TIAM2: variants seen among roughly 807,000 people sequenced by gnomAD.
TIAM2 encodes TIAM Rac1 associated GEF 2, also known as rho guanine nucleotide exchange factor TIAM2.
A neutral mutation model predicts 152.9 loss-of-function variants in TIAM2; 80 were observed. The observed-to-expected ratio is 0.52, with a 90% CI of 0.44 to 0.63. The LOEUF is 0.63. TIAM2 is among the 30% of genes least tolerant of loss of function. The probability of loss-of-function intolerance (pLI) is 0.00; values close to 1 mark genes in which losing one functional copy is unlikely to be tolerated. For missense variants in TIAM2, 1,965 were observed against 2,120.1 expected, an observed-to-expected ratio of 0.93 and a Z score of 1.44; for synonymous variants, 804 against 838.0, an observed-to-expected ratio of 0.96 and a Z score of 0.70.
At chr6:155,169,013 T>G (rs575479131) in intron 9 of TIAM2, 186 of 1,210,758 alleles carry the variant, frequency 1.5e-4, no homozygotes, top group Middle Eastern at 2.4e-4. Flanking sequence ...TTTTTGTTTT[T>G]GAGACGGAGT....
At chr6:155,185,767 GTGTCCTGGCAAGAC>G (rs1781028145) in intron 14 of TIAM2, among the ~76,000 whole-genome samples, 1 of 151,982 alleles carries the variant, frequency 6.6e-6, no homozygotes, top group Non-Finnish European at 1.5e-5. Flanking sequence ...CCCTTTCCTG[GTGTCCTGGCAAGAC>G]TGTGCTCTGT....
In TIAM2 at chr6:155,144,757, T is replaced by C. The variant is rs534826236; in HGVS notation, c.1782T>C (p.Phe594=). The C allele has an allele frequency of 1.2e-6, 2 of 1,610,580 alleles. No individual in the cohort carries two copies. The highest frequency in any genetic ancestry group is 2.7e-5 in the African/African-American group (2 of 74,872). Residue 594 remains phenylalanine (F), a synonymous_variant, in exon 6 of 27, where the codon TTT becomes TTC. Coordinates refer to ENST00000682666, the MANE Select transcript of TIAM2 (RefSeq NM_012454.4). ...KENVFCLSNS[F]GDVYLFQATS... ...ATGTGTTCTGCCTCAGCAACTCCTT[T>C]GGAGATGTCTACCTTTTCCAGGTAC... is the stretch of plus-strand genomic sequence containing the variant.
intron 26 of TIAM2, chr6:155,254,808 G>A (rs9397794): frequency 0.29 from 142,080 of 485,252 alleles, 24,419 homozygotes; most frequent in East Asian, 0.65. Context: ...CCAAATGTAC[G>A]ATTTTGTTTC....
chr6:155,175,788 T>A (rs17086024), intron 9 of TIAM2, among the ~76,000 whole-genome samples: 3,644 of 152,326 alleles, frequency 0.024, 139 homozygotes, highest in African/African-American at 0.081. Context: ...CGTATTAGCA[T>A]GAAGTCAGCA....
chr6:155,141,450 G>A (rs1437361951), intron 5 of TIAM2, among the ~76,000 whole-genome samples: 6 of 152,004 alleles, frequency 3.9e-5, no homozygotes, highest in African/African-American at 1.4e-4. Context: ...TATCCTTAAA[G>A]TATCCATGTA....
intron 14 of TIAM2, among the ~76,000 whole-genome samples, chr6:155,196,019 G>A (rs751544043): frequency 6.6e-6 from 1 of 152,224 alleles, no homozygotes; most frequent in Non-Finnish European, 1.5e-5. Context: ...CAGGGAAGTA[G>A]TGACATGATC....
chr6:155,225,403 C>CAGAT (rs1782208155), intron 15 of TIAM2, among the ~76,000 whole-genome samples: 1 of 152,210 alleles, frequency 6.6e-6, no homozygotes, highest in African/African-American at 2.4e-5. Flanking sequence ...GGGGCTTATA[C>CAGAT]AGATGAGTTA....
At chr6:155,104,049 C>CCCG (rs1778617126) in intron 2 of TIAM2, among the ~76,000 whole-genome samples, 2 of 94,804 alleles carry the variant, frequency 2.1e-5, no homozygotes, top group South Asian at 6.5e-4. Flanking sequence ...CACCCCCCCC[C>CCCG]CCACACCCCC....
chr6:155,045,615 A>G lies in TIAM2; in HGVS notation c.-208-44674A>G, dbSNP rs189446059. ...ACTGAATTAAGAACTCCATAGATAA[A>G]TTGGGAGGGTTCCATTTGATCTTCT... On this transcript the variant is annotated intron_variant, in intron 1 of 26. Transcript: ENST00000682666. 5.3e-5 allele frequency among the ~76,000 whole-genome samples: 8 copies of G among 152,118 alleles called. No homozygotes were observed. The East Asian group carries it at 1.2e-3, about 22-fold the overall frequency.
Position 155,183,381 on chromosome 6 carries a change from G to A in TIAM2, c.2945G>A (p.Cys982Tyr). ...CCTCCGGACACAAAAGCAACCCTGT[G>A]TACATCCTGGTCAGACAGTGACCTG... ...ARPPDTKATLCTSWSDSDLFS... is the reference protein window; with the variant it reads ...ARPPDTKATLYTSWSDSDLFS... The change falls in exon 14 of 27, where the codon TGT becomes TAT. Residue 982 changes from cysteine (C) to tyrosine (Y), a missense_variant. Cys to Tyr is a radical substitution (Grantham distance 194). Transcript: ENST00000682666. 6.2e-7 allele frequency: 1 copy of A among 1,614,110 alleles called. No individual in the cohort carries two copies. The highest frequency in any genetic ancestry group is 8.5e-7 in the Non-Finnish European group (1 of 1,180,016).
At chr6:155,053,645 A>C (rs1777373909) in intron 1 of TIAM2, among the ~76,000 whole-genome samples, 2 of 151,558 alleles carry the variant, frequency 1.3e-5, no homozygotes, top group African/African-American at 4.8e-5. Flanking sequence ...TAATTTTTGT[A>C]TTTTTAGTAG....
chr6:155,252,592 G>A (rs1420955746), intron 23 of TIAM2, among the ~76,000 whole-genome samples: 1 of 152,168 alleles, frequency 6.6e-6, no homozygotes, highest in Non-Finnish European at 1.5e-5. Context: ...TGAAACTTTG[G>A]TTTATTTTCA....
In TIAM2 at chr6:155,189,804, A is replaced by G. The variant is rs113774126; in HGVS notation, c.3064+6304A>G. ...TAATTTTTCTGTTTTACAAGAGCAA[A>G]GGCACCCAGAAGCAAGGCACAGGGC... On this transcript the variant is annotated intron_variant, in intron 14 of 26. Coordinates refer to ENST00000682666, the MANE Select transcript of TIAM2 (RefSeq NM_012454.4). Among the ~76,000 whole-genome samples the G allele has an allele frequency of 4.7e-4, 72 of 152,288 alleles. 2 individuals carry two copies. The highest frequency in any genetic ancestry group is 1.6e-3 in the African/African-American group (67 of 41,544).
intron 1 of TIAM2, among the ~76,000 whole-genome samples, chr6:155,033,739 CAG>C (rs958362359): frequency 6.7e-6 from 1 of 148,750 alleles, no homozygotes; most frequent in Admixed American, 6.7e-5. Context: ...TTTTTTGAGA[CAG>C]AGTCTTGCTC....
intron 1 of TIAM2, among the ~76,000 whole-genome samples, chr6:155,060,435 T>A (rs1341454299): frequency 6.6e-6 from 1 of 152,134 alleles, no homozygotes; most frequent in Non-Finnish European, 1.5e-5. Context: ...CATTTAATAA[T>A]TGGAATTCTT....
chr6:155,226,164 G>GC (rs1292150918), intron 15 of TIAM2, among the ~76,000 whole-genome samples: 1 of 152,282 alleles, frequency 6.6e-6, no homozygotes, highest in Non-Finnish European at 1.5e-5. Flanking sequence ...CTGTCTCCCT[G>GC]CCCCCATCCC....
chr6:155,165,399 CTA>C lies in TIAM2; in HGVS notation c.2354_2355del (p.Ile785AsnfsTer5). On this transcript the variant is annotated frameshift_variant, in exon 9 of 27. Coordinates refer to ENST00000682666, the MANE Select transcript of TIAM2 (RefSeq NM_012454.4). LOFTEE classifies it high-confidence loss of function. ...AGAAAAGGCAAGGAGAAGAGACCTTCTATAACTCAGGTGAGCTTTTCAGCATG... is the reference window on the plus strand; with the variant it reads ...AGAAAAGGCAAGGAGAAGAGACCTTCTAACTCAGGTGAGCTTTTCAGCATG... The C allele has an allele frequency of 6.2e-7, 1 of 1,611,794 alleles. No individual in the cohort carries two copies. Among genetic ancestry groups the C allele is most frequent in the South Asian group, 1.1e-5 (1 of 90,508 alleles).
At chr6:155,062,096 G>A (rs890921489) in intron 1 of TIAM2, among the ~76,000 whole-genome samples, 26 of 27,786 alleles carry the variant, frequency 9.4e-4, no homozygotes, top group South Asian at 1.8e-3. Flanking sequence ...CCCCCCCACC[G>A]CCCCCGCGCA....
Position 155,016,670 on chromosome 6 carries a change from G to A in TIAM2, c.-209+21178G>A, listed in dbSNP as rs1056486951. Among the ~76,000 whole-genome samples the A allele has an allele frequency of 1.7e-3, 255 of 151,228 alleles. 2 individuals carry two copies. Among genetic ancestry groups the A allele is most frequent in the Non-Finnish European group, 2.8e-4 (19 of 67,718 alleles). ...TCCCAGAACTTTAGGAGGCCAAGGC[G>A]GGTGGATTGCTTGAGGTCAGGAGTT... On this transcript the variant is annotated intron_variant, in intron 1 of 26. Transcript: ENST00000682666.
Sources: gnomAD v4.1 joint callset for allele counts (sites outside exome capture counted in the v4.1 genomes callset) on GRCh38, gnomAD v4.1.1 for gene constraint, MANE v1.5 for transcripts, NCBI Gene and HGNC (gene_info 2026-07-23, HGNC 2026-07-21) for gene names.